The following ANTXR1 variants were observed in gnomAD, a reference collection of about 807,000 sequenced individuals.
ANTXR1 encodes ANTXR cell adhesion molecule 1.
In ANTXR1, 19 loss-of-function variants were observed where a neutral mutation model predicts 78.1. The observed-to-expected ratio is 0.24, with a 90% CI of 0.17 to 0.36. ANTXR1 has a LOEUF of 0.36. ANTXR1 is among the 10% of genes least tolerant of loss of function. ANTXR1 has a pLI of 1.00. For missense variants in ANTXR1, 518 were observed against 718.6 expected (o/e 0.72, Z 3.19); for synonymous variants, 273 against 260.5 (o/e 1.05, Z -0.46).
intron 8 of ANTXR1, among the ~76,000 whole-genome samples, chr2:69,084,328 A>G (rs1358547196): frequency 2.0e-5 from 3 of 152,152 alleles, no homozygotes; most frequent in African/African-American, 7.2e-5. Flanking sequence ...TTTATCCTAC[A>G]CTCCTTTGGA....
chr2:69,197,874 C>T (rs1298503105), intron 17 of ANTXR1, among the ~76,000 whole-genome samples: 4 of 152,214 alleles, frequency 2.6e-5, no homozygotes, highest in Non-Finnish European at 5.9e-5. Context: ...TTTTAACTTA[C>T]TTGGTCCATG....
At chr2:69,094,350 T>A (rs1003114143) in intron 9 of ANTXR1, among the ~76,000 whole-genome samples, 5 of 152,236 alleles carry the variant, frequency 3.3e-5, no homozygotes, top group Non-Finnish European at 7.3e-5. Context: ...TCCTGTATGT[T>A]TCTCCGCTGA....
intron 3 of ANTXR1, among the ~76,000 whole-genome samples, chr2:69,056,736 C>A (rs953133479): frequency 1.3e-5 from 2 of 152,044 alleles, no homozygotes; most frequent in African/African-American, 4.8e-5. Flanking sequence ...GGGCAGTGTG[C>A]GATCTTGGCT....
intron 9 of ANTXR1, among the ~76,000 whole-genome samples, chr2:69,091,873 G>C (rs184650171): frequency 1.3e-5 from 2 of 152,150 alleles, no homozygotes; most frequent in African/African-American, 4.8e-5. Context: ...GGTCATGCTC[G>C]TTTCATATTT....
intron 17 of ANTXR1, among the ~76,000 whole-genome samples, chr2:69,225,395 G>A (rs1013335358): frequency 1.3e-5 from 2 of 152,160 alleles, no homozygotes; most frequent in Non-Finnish European, 1.5e-5. Flanking sequence ...TGGAAGGATC[G>A]CTTGAGCCCA....
chr2:69,207,737 C>T (rs910767985), intron 17 of ANTXR1, among the ~76,000 whole-genome samples: 1 of 152,168 alleles, frequency 6.6e-6, no homozygotes, highest in African/African-American at 2.4e-5. Context: ...CCACACCCCA[C>T]CCTGTGTTAT....
chr2:69,196,809 T>C (rs141243117), intron 17 of ANTXR1, among the ~76,000 whole-genome samples: 87 of 152,336 alleles, frequency 5.7e-4, no homozygotes, highest in South Asian at 4.1e-3. Context: ...TTCAGACACA[T>C]GTTGACCTCA....
At position 69,102,859 on chromosome 2, in the gene ANTXR1, G is replaced by C; in HGVS notation, c.721G>C (p.Val241Leu). The change falls in exon 10 of 18, where the codon GTG becomes CTG. Residue 241 changes from valine to leucine, a missense_variant. Physicochemically the swap from Val to Leu is conservative, Grantham distance 32. Coordinates refer to ENST00000303714, the MANE Select transcript of ANTXR1 (RefSeq NM_032208.3). ...ICAGESFQVVVRGNGFRHARN... is the reference protein window; with the variant it reads ...ICAGESFQVVLRGNGFRHARN... Reference sequence around the variant, plus strand: ...TATTTCAGAGTCATTTCAAGTTGTCGTGAGAGGAAACGGCTTCCGACATGC... The same window carrying C: ...TATTTCAGAGTCATTTCAAGTTGTCCTGAGAGGAAACGGCTTCCGACATGC... 6.2e-7 allele frequency: 1 copy of C among 1,614,126 alleles called. No homozygotes were observed. The highest frequency in any genetic ancestry group is 8.5e-7 in the Non-Finnish European group (1 of 1,180,018).
chr2:69,111,264 A>C (rs1047941680), intron 10 of ANTXR1, among the ~76,000 whole-genome samples: 3 of 152,202 alleles, frequency 2.0e-5, no homozygotes, highest in African/African-American at 7.2e-5. Flanking sequence ...TTTAGTATTC[A>C]GTGTACTGTG....
intron 1 of ANTXR1, among the ~76,000 whole-genome samples, chr2:69,037,969 C>T (rs1052709416): frequency 6.6e-6 from 1 of 152,156 alleles, no homozygotes; most frequent in Non-Finnish European, 1.5e-5. Flanking sequence ...GGTGCTGCAC[C>T]ATGAAACCAC....
Position 69,090,566 on chromosome 2 carries a change from A to T in ANTXR1, c.643-293A>T, listed in dbSNP as rs1671200064. ...TCCCATTTCCGCAACCCTATGTTAA[A>T]CCTCTGCAAAAACTAGGACTGGCAT... On this transcript the variant is annotated intron_variant, in intron 8 of 17. Transcript: ENST00000303714. The T allele has an allele frequency of 8.4e-6, 4 of 475,194 alleles. No homozygotes were observed. In the Admixed American group the frequency reaches 1.3e-4, roughly 16 times the overall value. The allele number at this position is 475,194 out of a possible 1,614,324, so 29.4% of individuals were successfully genotyped here.
chr2:69,078,881 G>A (rs1475130380), intron 8 of ANTXR1, among the ~76,000 whole-genome samples: 1 of 152,006 alleles, frequency 6.6e-6, no homozygotes, highest in African/African-American at 2.4e-5. Context: ...AATTATGTTT[G>A]TAATACCTAT....
chr2:69,246,183 G>A lies in ANTXR1; in HGVS notation c.*698G>A, dbSNP rs1392830289. ...TGTTGATGTGTAAGTGAAATCAGTT[G>A]TGTGCAATAGACAGGGGCGTATTCA... On this transcript the variant is annotated 3_prime_UTR_variant, in exon 18 of 18. Transcript: ENST00000303714. 1 of 152,422 alleles carries A rather than the reference G, an allele frequency of 6.6e-6. No individual in the cohort carries two copies. Among genetic ancestry groups the A allele is most frequent in the South Asian group, 2.1e-4 (1 of 4,826 alleles). 9.4% of individuals were successfully genotyped at this position (152,422 alleles called of 1,614,324 possible).
In ANTXR1 at chr2:69,217,347, C is replaced by T. The variant is rs58112295; in HGVS notation, c.1434+23932C>T. Among the ~76,000 whole-genome samples, 1,200 of 152,288 alleles carry T rather than the reference C, an allele frequency of 7.9e-3. 13 individuals carry two copies. Among genetic ancestry groups the T allele is most frequent in the African/African-American group, 0.028 (1,145 of 41,548 alleles). ...GCCTTACTGGAGAGGATGGGCCACT[C>T]GCCTATTGCAAGTGCACAATGTGAA... On this transcript the variant is annotated intron_variant, in intron 17 of 17. Coordinates refer to ENST00000303714, the MANE Select transcript of ANTXR1 (RefSeq NM_032208.3).
chr2:69,041,855 C>T (rs1669624415), intron 2 of ANTXR1, among the ~76,000 whole-genome samples: 1 of 152,146 alleles, frequency 6.6e-6, no homozygotes, highest in African/African-American at 2.4e-5. Context: ...ACAAGGCACC[C>T]TTCTCTGGTT....
At chr2:69,216,147 G>T (rs1171889625) in intron 17 of ANTXR1, among the ~76,000 whole-genome samples, 1 of 152,198 alleles carries the variant, frequency 6.6e-6, no homozygotes, top group Non-Finnish European at 1.5e-5. Flanking sequence ...CCTTTAGCAA[G>T]CTTCCTTCTA....
chr2:69,048,751 C>G (rs545967091), intron 3 of ANTXR1, among the ~76,000 whole-genome samples: 1 of 152,114 alleles, frequency 6.6e-6, no homozygotes, highest in Non-Finnish European at 1.5e-5. Flanking sequence ...TCTGGAGGAC[C>G]AATCTATCCT....
chr2:69,096,919 T>C (rs572497395), intron 9 of ANTXR1, among the ~76,000 whole-genome samples: 101 of 152,362 alleles, frequency 6.6e-4, no homozygotes, highest in Non-Finnish European at 1.1e-3. Flanking sequence ...ATGGTGCTTA[T>C]GTCACTGTAT....
chr2:69,159,253 AAAG>A (rs1164901766), intron 13 of ANTXR1, among the ~76,000 whole-genome samples: 1 of 152,194 alleles, frequency 6.6e-6, no homozygotes, highest in Non-Finnish European at 1.5e-5. Context: ...CCCCAAGTGA[AAAG>A]ATCTTAGCAT....
Sources: gnomAD v4.1 joint callset for allele counts (sites outside exome capture counted in the v4.1 genomes callset) on GRCh38, gnomAD v4.1.1 for gene constraint, MANE v1.5 for transcripts, NCBI Gene and HGNC (gene_info 2026-07-23, HGNC 2026-07-21) for gene names.